Variants in RORA observed in about 807,000 individuals in gnomAD.
The protein encoded by RORA is RAR related orphan receptor A.
RORA carries 7 observed loss-of-function variants against 69.5 expected under a neutral mutation model. The ratio of observed to expected loss-of-function variants is 0.10; its 90% CI spans 0.06 to 0.19. The LOEUF (loss-of-function observed/expected upper bound fraction) is 0.19, where lower values mean the gene tolerates loss of function less well. Among genes scored for constraint, RORA ranks in the 10% least tolerant of loss-of-function variants. RORA has a pLI of 1.00. For synonymous variants in RORA, 261 were observed against 240.8 expected (o/e 1.08, Z -0.78); for missense variants, 457 against 663.0 (o/e 0.69, Z 3.41).
intron 1 of RORA, among the ~76,000 whole-genome samples, chr15:61,004,040 G>A (rs1363823127): frequency 6.6e-6 from 1 of 152,068 alleles, no homozygotes; most frequent in East Asian, 1.9e-4. Context: ...ATCCCATTGT[G>A]GAGGGACTAA....
At chr15:60,617,356 T>TG (rs1249913143) in intron 2 of RORA, among the ~76,000 whole-genome samples, 1 of 152,128 alleles carries the variant, frequency 6.6e-6, no homozygotes, top group Non-Finnish European at 1.5e-5. Context: ...CATTGAAATT[T>TG]GGGGGCCCTA....
intron 1 of RORA, among the ~76,000 whole-genome samples, chr15:61,219,301 G>A (rs1269663489): frequency 1.3e-5 from 2 of 152,236 alleles, no homozygotes; most frequent in East Asian, 1.9e-4. Flanking sequence ...TAGGCTGGGT[G>A]TGGTGGCTCA....
chr15:60,997,861 T>C (rs1894609042), intron 1 of RORA, among the ~76,000 whole-genome samples: 2 of 152,208 alleles, frequency 1.3e-5, no homozygotes, highest in African/African-American at 4.8e-5. Flanking sequence ...GAATTGCCCA[T>C]GATAAAGTAA....
At chr15:60,810,048 A>G (rs7179181) in intron 1 of RORA, among the ~76,000 whole-genome samples, 3 of 150,872 alleles carry the variant, frequency 2.0e-5, no homozygotes, top group African/African-American at 7.3e-5. Context: ...GACTCTCTTC[A>G]CTCTCTATTT....
chr15:60,545,835 C>T (rs1408310963), intron 2 of RORA, among the ~76,000 whole-genome samples: 5 of 152,124 alleles, frequency 3.3e-5, no homozygotes, highest in East Asian at 3.8e-4. Flanking sequence ...AAGCACTTTG[C>T]GAAAACAAAA....
At chr15:60,992,581 C>T (rs1894415060) in intron 1 of RORA, among the ~76,000 whole-genome samples, 1 of 152,186 alleles carries the variant, frequency 6.6e-6, no homozygotes, top group African/African-American at 2.4e-5. Flanking sequence ...TCACTTCCTT[C>T]TCCTCATTGC....
chr15:61,120,000 C>T (rs2079087649), intron 1 of RORA, among the ~76,000 whole-genome samples: 1 of 152,108 alleles, frequency 6.6e-6, no homozygotes, highest in Non-Finnish European at 1.5e-5. Context: ...TAAAGGAGAA[C>T]ATGAGTGCAC....
rs1555428643 is a variant in RORA, at chr15:60,540,576, C to CCCA, written c.197-8726_197-8725insTGG. Among the ~76,000 whole-genome samples, 20 of 115,324 alleles carry CCCA rather than the reference C, an allele frequency of 1.7e-4. 1 individual carries two copies. The highest frequency in any genetic ancestry group is 3.3e-4 in the Non-Finnish European group (17 of 51,372). 75.7% of individuals were successfully genotyped at this position (115,324 alleles called of 152,430 possible). On this transcript the variant is annotated intron_variant, in intron 2 of 10. Transcript: ENST00000335670. ...CACAATTTCCATGACCCCCCCCCCC[C>CCCA]AAAACTGTGCGGTCACAAAACCCAG...
chr15:61,092,875 G>GA (rs1450413777), intron 1 of RORA, among the ~76,000 whole-genome samples: 1 of 152,178 alleles, frequency 6.6e-6, no homozygotes, highest in Non-Finnish European at 1.5e-5. Context: ...TCAAGCTGGA[G>GA]ATTTAGGGGC....
intron 3 of RORA, chr15:60,519,917 A>C (rs770504863): frequency 1.3e-5 from 2 of 152,254 alleles, no homozygotes; most frequent in African/African-American, 4.8e-5. Context: ...TAATTATGCC[A>C]TAAGTTGCAA....
chr15:60,873,575 A>G (rs1233552500), intron 1 of RORA, among the ~76,000 whole-genome samples: 2 of 152,220 alleles, frequency 1.3e-5, no homozygotes, highest in Admixed American at 1.3e-4. Context: ...AATGAGAATG[A>G]CAACATTTTA....
intron 1 of RORA, among the ~76,000 whole-genome samples, chr15:61,059,982 G>GAAGAAGAAGAAGAA (rs1555406760): frequency 9.0e-5 from 7 of 77,422 alleles, no homozygotes; most frequent in African/African-American, 3.4e-4. Context: ...AAGAGGAAGA[G>GAAGAAGAAGAAGAA]GAAGAGGAAG....
At chr15:61,212,975 C>T (rs971343190) in intron 1 of RORA, among the ~76,000 whole-genome samples, 2 of 152,172 alleles carry the variant, frequency 1.3e-5, no homozygotes, top group African/African-American at 2.4e-5. Context: ...CTTGCTATTG[C>T]TATTTTTTTG....
At chr15:60,714,182 T>C (rs922868423) in intron 1 of RORA, among the ~76,000 whole-genome samples, 1 of 151,814 alleles carries the variant, frequency 6.6e-6, no homozygotes, top group Non-Finnish European at 1.5e-5. Flanking sequence ...GCCTCCCAAG[T>C]AGCTGAGATT....
intron 1 of RORA, among the ~76,000 whole-genome samples, chr15:60,700,682 T>C (rs955423425): frequency 6.6e-6 from 1 of 152,222 alleles, no homozygotes; most frequent in South Asian, 2.1e-4. Flanking sequence ...GAAAGGCACC[T>C]GGCTTCTCAG....
chr15:61,142,359 AATT>A (rs1251692460), intron 1 of RORA, among the ~76,000 whole-genome samples: 1 of 152,194 alleles, frequency 6.6e-6, no homozygotes, highest in Admixed American at 6.5e-5. Context: ...CAATCTTGAC[AATT>A]ATTAACTATA....
intron 1 of RORA, among the ~76,000 whole-genome samples, chr15:61,198,841 A>G (rs7177846): frequency 0.33 from 50,793 of 151,838 alleles, 8,718 homozygotes; most frequent in East Asian, 0.44. Context: ...CTTACTCTCC[A>G]TACTAATTCC....
intron 1 of RORA, among the ~76,000 whole-genome samples, chr15:60,981,898 G>T: frequency 6.7e-6 from 1 of 148,958 alleles, no homozygotes; most frequent in African/African-American, 2.5e-5. Context: ...TTTTCTAATT[G>T]AAAATTGAAG....
intron 1 of RORA, among the ~76,000 whole-genome samples, chr15:61,094,890 T>C (rs1167661220): frequency 6.6e-6 from 1 of 152,116 alleles, no homozygotes; most frequent in African/African-American, 2.4e-5. Context: ...TGAGGAAGAA[T>C]TCAGAAAAGA....
Sources: allele counts gnomAD v4.1 joint callset (sites outside exome capture counted in the v4.1 genomes callset), GRCh38; gene constraint gnomAD v4.1.1; transcripts MANE v1.5; gene names NCBI Gene and HGNC (gene_info 2026-07-23, HGNC 2026-07-21).